Variants in GAS7 observed in about 807,000 individuals in gnomAD.
The protein encoded by GAS7 is growth arrest-specific protein 7.
A neutral mutation model predicts 71.1 loss-of-function variants in GAS7; 28 were observed. The ratio of observed to expected loss-of-function variants is 0.39; its 90% CI spans 0.29 to 0.54. The LOEUF is 0.54. Ranked by LOEUF, GAS7 falls within the 20% of genes least tolerant of loss-of-function variation. GAS7 has a pLI of 0.62. For missense variants in GAS7, 436 were observed against 627.8 expected (o/e 0.69, Z 3.27); for synonymous variants, 258 against 245.8 (o/e 1.05, Z -0.46).
Position 10,138,130 on chromosome 17 carries a change from T to A in GAS7, c.183+60078A>T, listed in dbSNP as rs957816078. On this transcript the variant is annotated intron_variant, in intron 1 of 13. Transcript: ENST00000432992. ...GGCGCCCACCACAGCGCCCAGCTAA[T>A]TTTTTTTTGTATTTTTAGTAGAGAC... 6.6e-5 allele frequency among the ~76,000 whole-genome samples: 10 copies of A among 151,010 alleles called. No homozygotes were observed. In the East Asian group the frequency reaches 2.0e-3, roughly 30 times the overall value.
chr17:9,988,493 C>A (rs138738271), intron 2 of GAS7, among the ~76,000 whole-genome samples: 4 of 152,206 alleles, frequency 2.6e-5, no homozygotes, highest in African/African-American at 9.7e-5. Flanking sequence ...TTCCCTCCTG[C>A]GCACCAGAGT....
intron 1 of GAS7, among the ~76,000 whole-genome samples, chr17:10,178,701 C>CTTTTTTTT (rs2074391615): frequency 1.1e-5 from 1 of 90,664 alleles, no homozygotes; most frequent in Admixed American, 1.5e-4. Flanking sequence ...TCCCCCACCA[C>CTTTTTTTT]CTTTTTTTTT....
At chr17:9,976,374 G>A (rs1337099648) in intron 3 of GAS7, among the ~76,000 whole-genome samples, 1 of 152,248 alleles carries the variant, frequency 6.6e-6, no homozygotes, top group Admixed American at 6.5e-5. Flanking sequence ...AAGTCAGAGT[G>A]CTGGGGAAGC....
intron 1 of GAS7, among the ~76,000 whole-genome samples, chr17:10,145,609 C>T (rs2074115455): frequency 6.6e-6 from 1 of 152,212 alleles, no homozygotes; most frequent in Admixed American, 6.5e-5. Flanking sequence ...GATCTGTGCC[C>T]CAATCCTGGC....
At position 9,921,108 on chromosome 17, in the gene GAS7, T is replaced by C. The variant is rs1402124317; in HGVS notation, c.1139-1403A>G. 2.6e-5 allele frequency among the ~76,000 whole-genome samples: 4 copies of C among 152,038 alleles called. No homozygotes were observed. The East Asian group carries it at 7.7e-4, about 29-fold the overall frequency. On this transcript the variant is annotated intron_variant, in intron 11 of 13. Coordinates refer to ENST00000432992, the MANE Select transcript of GAS7 (RefSeq NM_201433.2). Reference sequence around the variant, plus strand: ...CTGGACCCTTGATCCCAAGAGGCACTGAACCGGAGAGAAGAAAGTGGATGC... The same window carrying C: ...CTGGACCCTTGATCCCAAGAGGCACCGAACCGGAGAGAAGAAAGTGGATGC...
At chr17:10,191,533 G>A (rs2074499901) in intron 1 of GAS7, among the ~76,000 whole-genome samples, 1 of 140,816 alleles carries the variant, frequency 7.1e-6, no homozygotes, top group South Asian at 2.4e-4. Context: ...TCCAGCCTGG[G>A]CAACAGAGCA....
At chr17:10,127,570 A>G (rs2073960829) in intron 1 of GAS7, among the ~76,000 whole-genome samples, 1 of 151,296 alleles carries the variant, frequency 6.6e-6, no homozygotes, top group Non-Finnish European at 1.5e-5. Flanking sequence ...GGACAGACTC[A>G]GGGCCGCAGG....
intron 1 of GAS7, among the ~76,000 whole-genome samples, chr17:10,043,118 G>A (rs1459769579): frequency 6.6e-6 from 1 of 152,102 alleles, no homozygotes; most frequent in Non-Finnish European, 1.5e-5. Flanking sequence ...GAACCTTGGG[G>A]CATGCTCTTG....
chr17:10,196,746 G>A (rs1055139438), intron 1 of GAS7, among the ~76,000 whole-genome samples: 6 of 152,132 alleles, frequency 3.9e-5, no homozygotes, highest in Non-Finnish European at 7.3e-5. Flanking sequence ...GTGACCACCC[G>A]AAGAACTCCC....
chr17:9,925,394 C>T, intron 11 of GAS7, 82 bp downstream of exon 11: 1 of 1,433,034 alleles, frequency 7.0e-7, no homozygotes, highest in Non-Finnish European at 9.8e-7. Flanking sequence ...GAGATGCACC[C>T]TCGCCAGTCA....
intron 11 of GAS7, among the ~76,000 whole-genome samples, chr17:9,924,255 C>T (rs538947692): frequency 1.3e-5 from 2 of 152,270 alleles, no homozygotes; most frequent in South Asian, 4.1e-4. Context: ...TTCACCGCAG[C>T]CTTAACCTCC....
chr17:9,949,217 G>A (rs2068908577), intron 5 of GAS7, among the ~76,000 whole-genome samples: 1 of 149,342 alleles, frequency 6.7e-6, no homozygotes, highest in East Asian at 1.9e-4. Context: ...AGGCTGCAGA[G>A]ATGCGTCCAA....
At chr17:10,069,971 T>C (rs1046245048) in intron 1 of GAS7, among the ~76,000 whole-genome samples, 2 of 152,152 alleles carry the variant, frequency 1.3e-5, no homozygotes, top group Non-Finnish European at 2.9e-5. Flanking sequence ...TTCTCCTCAA[T>C]GTAATCAGAA....
rs138376621 is a variant in GAS7, at chr17:9,924,092, A to G, written c.1138+1384T>C. ...ATTTAAAAATCAAAACACTAGGAAG[A>G]GATGGTGATTATTTCTGTGAATAGC... is the stretch of plus-strand genomic sequence containing the variant. On this transcript the variant is annotated intron_variant, in intron 11 of 13. Coordinates refer to ENST00000432992, the MANE Select transcript of GAS7 (RefSeq NM_201433.2). Among the ~76,000 whole-genome samples the G allele has an allele frequency of 3.5e-4, 53 of 152,338 alleles. No homozygotes were observed. The East Asian group carries it at 5.8e-3, about 17-fold the overall frequency.
Position 9,917,172 on chromosome 17 carries a change from TG to T in GAS7, c.*55del. ...GGGCATCCACTCGGCATGGGCCCCA[TG>T]GTGGGAGCCCAGCCCCCCTCCCCAG... On this transcript the variant is annotated 3_prime_UTR_variant, in exon 14 of 14. Coordinates refer to ENST00000432992, the MANE Select transcript of GAS7 (RefSeq NM_201433.2). The T allele has an allele frequency of 9.4e-7, 1 of 1,067,558 alleles. No homozygotes were observed. The highest frequency in any genetic ancestry group is 1.5e-6 in the Non-Finnish European group (1 of 681,506). The allele number at this position is 1,067,558 out of a possible 1,614,324, so 66.1% of individuals were successfully genotyped here.
At chr17:10,165,343 C>T (rs1050983898) in intron 1 of GAS7, among the ~76,000 whole-genome samples, 3 of 151,668 alleles carry the variant, frequency 2.0e-5, no homozygotes, top group African/African-American at 7.3e-5. Context: ...CTCTTCATGC[C>T]CTAGAGATGT....
intron 2 of GAS7, among the ~76,000 whole-genome samples, chr17:10,013,214 G>A (rs148241410): frequency 6.6e-6 from 1 of 151,712 alleles, no homozygotes; most frequent in Non-Finnish European, 1.5e-5. Flanking sequence ...GCCCACACCC[G>A]ACACCAAATC....
chr17:10,017,581 G>A (rs1160284054), intron 2 of GAS7, among the ~76,000 whole-genome samples: 1 of 152,028 alleles, frequency 6.6e-6, no homozygotes, highest in Non-Finnish European at 1.5e-5. Context: ...CACCTGCCTC[G>A]GCCTCCCAAA....
At chr17:10,039,503 G>A (rs573728844) in intron 1 of GAS7, among the ~76,000 whole-genome samples, 10 of 152,150 alleles carry the variant, frequency 6.6e-5, no homozygotes, top group East Asian at 5.8e-4. Context: ...CCAACATGGC[G>A]AAAACCCATC....
Sources: allele counts gnomAD v4.1 joint callset (sites outside exome capture counted in the v4.1 genomes callset), GRCh38; gene constraint gnomAD v4.1.1; transcripts MANE v1.5; gene names NCBI Gene and HGNC (gene_info 2026-07-23, HGNC 2026-07-21).